FOXK2: variants seen among roughly 807,000 people sequenced by gnomAD.
FOXK2 encodes forkhead box K2.
A neutral mutation model predicts 53.3 loss-of-function variants in FOXK2; 24 were observed. The ratio of observed to expected loss-of-function variants is 0.45; its 90% CI spans 0.33 to 0.63. FOXK2 has a LOEUF of 0.63. FOXK2 is among the 30% of genes least tolerant of loss of function. The pLI, the probability that FOXK2 is intolerant of heterozygous loss-of-function variation, is 0.03. For missense variants in FOXK2, 952 were observed against 910.5 expected, an observed-to-expected ratio of 1.05 and a Z score of -0.59; for synonymous variants, 505 against 407.1, an observed-to-expected ratio of 1.24 and a Z score of -2.89.
At chr17:82,536,162 G>C (rs531243048) in intron 1 of FOXK2, among the ~76,000 whole-genome samples, 3 of 152,318 alleles carry the variant, frequency 2.0e-5, no homozygotes, top group African/African-American at 7.2e-5. Flanking sequence ...ACAGGTGTGA[G>C]CTACGGTGCC....
chr17:82,587,004 GC>G, intron 7 of FOXK2, 58 bp from the exon 8 acceptor site: 1 of 1,538,102 alleles, frequency 6.5e-7, no homozygotes, highest in Non-Finnish European at 9.0e-7. Flanking sequence ...TTTTAAACTG[GC>G]AAGATTTTTA....
At chr17:82,525,848 G>A (rs989689434) in intron 1 of FOXK2, among the ~76,000 whole-genome samples, 13 of 152,280 alleles carry the variant, frequency 8.5e-5, no homozygotes, top group African/African-American at 2.6e-4. Flanking sequence ...GTTCTACCCA[G>A]TGGTAATTCC....
chr17:82,588,886 T>TAAAAAAA (rs71369024), intron 8 of FOXK2, among the ~76,000 whole-genome samples: 3 of 122,056 alleles, frequency 2.5e-5, no homozygotes, highest in Admixed American at 8.7e-5. Flanking sequence ...CCATTTCTAC[T>TAAAAAAA]AAAAAAAAAA....
intron 1 of FOXK2, among the ~76,000 whole-genome samples, chr17:82,551,926 C>T (rs2044681006): frequency 2.0e-5 from 3 of 152,232 alleles, no homozygotes; most frequent in Admixed American, 2.0e-4. Flanking sequence ...GCTCCACCTC[C>T]TGCACACCCC....
intron 8 of FOXK2, among the ~76,000 whole-genome samples, chr17:82,587,992 A>T (rs2045210507): frequency 1.3e-5 from 2 of 152,064 alleles, no homozygotes; most frequent in Admixed American, 1.3e-4. Context: ...TGCCCACGAC[A>T]CGCTTTCTTT....
intron 1 of FOXK2, among the ~76,000 whole-genome samples, chr17:82,537,689 G>A (rs1016374228): frequency 3.3e-5 from 5 of 151,204 alleles, no homozygotes; most frequent in Non-Finnish European, 7.4e-5. Context: ...ACTTTTGGAG[G>A]CCGAGGCGGG....
At chr17:82,565,567 G>T (rs1236948990) in intron 2 of FOXK2, among the ~76,000 whole-genome samples, 2 of 152,190 alleles carry the variant, frequency 1.3e-5, no homozygotes, top group African/African-American at 4.8e-5. Flanking sequence ...TTCAGCATCA[G>T]TAGTTATTAG....
chr17:82,554,548 G>A (rs1408881431), intron 1 of FOXK2, among the ~76,000 whole-genome samples: 1 of 152,120 alleles, frequency 6.6e-6, no homozygotes, highest in East Asian at 1.9e-4. Context: ...ATTTTTATCA[G>A]GGCCCTCTGA....
At chr17:82,571,918 A>G (rs1355912975) in intron 4 of FOXK2, 48 bp downstream of exon 4, 1 of 1,474,606 alleles carries the variant, frequency 6.8e-7, no homozygotes, top group Non-Finnish European at 9.0e-7. Flanking sequence ...GGATACCGAG[A>G]AGAAAGTGGA....
At chr17:82,586,987 T>C in intron 7 of FOXK2, 76 bp from the exon 8 acceptor site, 5 of 1,347,258 alleles carry the variant, frequency 3.7e-6, no homozygotes, top group South Asian at 1.2e-5. Flanking sequence ...GCTATCTGGT[T>C]ATTATGTTTT....
chr17:82,550,070 G>A (rs991457657), intron 1 of FOXK2, among the ~76,000 whole-genome samples: 1 of 152,148 alleles, frequency 6.6e-6, no homozygotes. Flanking sequence ...GTGGTGGTAC[G>A]TGCCTGTAGT....
At chr17:82,529,751 CT>C (rs2044455268) in intron 1 of FOXK2, among the ~76,000 whole-genome samples, 1 of 152,182 alleles carries the variant, frequency 6.6e-6, no homozygotes, top group Admixed American at 6.5e-5. Context: ...TAGATAACTC[CT>C]CCCTTTGCAG....
At chr17:82,546,805 G>A (rs865796981) in intron 1 of FOXK2, among the ~76,000 whole-genome samples, 4 of 151,892 alleles carry the variant, frequency 2.6e-5, no homozygotes, top group African/African-American at 7.3e-5. Context: ...GGCCGGGTGC[G>A]GTGGCTCACA....
At chr17:82,565,727 G>T (rs2044845405) in intron 2 of FOXK2, among the ~76,000 whole-genome samples, 1 of 152,212 alleles carries the variant, frequency 6.6e-6, no homozygotes, top group Non-Finnish European at 1.5e-5. Context: ...AAACCGTGCA[G>T]CTGCTGTGGA....
intron 1 of FOXK2, among the ~76,000 whole-genome samples, chr17:82,556,321 G>A (rs1187907324): frequency 1.3e-5 from 2 of 152,064 alleles, no homozygotes; most frequent in African/African-American, 2.4e-5. Flanking sequence ...GCGGGCGCCT[G>A]TAATCCCAGC....
chr17:82,569,993 T>C lies in FOXK2; in HGVS notation c.763-1731T>C, dbSNP rs58208811. Among the ~76,000 whole-genome samples the C allele has an allele frequency of 6.1e-3, 931 of 151,984 alleles. 13 individuals are homozygous for C. The highest frequency in any genetic ancestry group is 7.2e-3 in the African/African-American group (298 of 41,466). The stretch of plus-strand genomic sequence containing the variant: ...TCCCCAGCACTTTGGGAGGCCAAGG[T>C]GGGCGGATCACGAGGTCAGGAGATC... On this transcript the variant is annotated intron_variant, in intron 3 of 8. Coordinates refer to ENST00000335255, the MANE Select transcript of FOXK2 (RefSeq NM_004514.4).
intron 4 of FOXK2, 134 bp from the exon 5 acceptor site, chr17:82,582,606 GA>G (rs1398124304): frequency 1.5e-5 from 10 of 677,434 alleles, no homozygotes; most frequent in African/African-American, 3.7e-5. Context: ...TGACGCAAAA[GA>G]AAAAAAATTC....
intron 7 of FOXK2, 128 bp from the exon 8 acceptor site, chr17:82,586,935 A>T: frequency 4.7e-6 from 4 of 852,838 alleles, no homozygotes; most frequent in Non-Finnish European, 7.4e-6. Flanking sequence ...TCTTTTTCTA[A>T]TTTGCTGTTT....
chr17:82,601,156 C>T, intron 8 of FOXK2, 147 bp from the exon 9 acceptor site: 1 of 859,188 alleles, frequency 1.2e-6, no homozygotes, highest in Middle Eastern at 3.7e-4. Context: ...CCTCCGCGGG[C>T]CTGGGAGTGG....
Sources: allele counts gnomAD v4.1 joint callset (sites outside exome capture counted in the v4.1 genomes callset), GRCh38; gene constraint gnomAD v4.1.1; transcripts MANE v1.5; gene names NCBI Gene and HGNC (gene_info 2026-07-23, HGNC 2026-07-21).